Variants in SCHIP1 observed in about 807,000 individuals in gnomAD.
SCHIP1 encodes the protein schwannomin interacting protein 1, also known as schwannomin-interacting protein 1.
Under a neutral mutation model 29.7 loss-of-function variants are expected in SCHIP1, and 8 were observed. That is an observed-to-expected ratio of 0.27 (90% CI 0.16 to 0.49). The LOEUF is 0.49. SCHIP1 is among the 20% of genes least tolerant of loss of function. The probability of loss-of-function intolerance (pLI) is 0.99; values close to 1 mark genes in which losing one functional copy is unlikely to be tolerated. For missense variants in SCHIP1, 193 were observed against 294.6 expected, an observed-to-expected ratio of 0.66 and a Z score of 2.52; for synonymous variants, 76 against 94.9, an observed-to-expected ratio of 0.80 and a Z score of 1.16.
At chr3:159,361,005 ATGAACAATG>A in the SCHIP1 span, among the ~76,000 whole-genome samples, 1 of 152,202 alleles carries the variant, frequency 6.6e-6, no homozygotes, top group Non-Finnish European at 1.5e-5. Context: ...ACATTTGAAC[ATGAACAATG>A]TGCCAGACAC....
chr3:159,876,659 A>C (rs897063378), intron 2 of SCHIP1, among the ~76,000 whole-genome samples: 5 of 152,222 alleles, frequency 3.3e-5, no homozygotes, highest in Admixed American at 2.0e-4. Context: ...CCTTCTTAAC[A>C]CTTAGAGTTT....
the SCHIP1 span, among the ~76,000 whole-genome samples, chr3:159,565,431 CTG>C: frequency 2.0e-5 from 3 of 152,208 alleles, no homozygotes; most frequent in Non-Finnish European, 4.4e-5. Context: ...ACACCTGACT[CTG>C]GACTTCTGCC....
At chr3:159,768,147 C>T in the SCHIP1 span, among the ~76,000 whole-genome samples, 6 of 152,150 alleles carry the variant, frequency 3.9e-5, no homozygotes, top group Middle Eastern at 0.01. Context: ...TAGTTCCCCG[C>T]CCCCTTTTTT....
the SCHIP1 span, among the ~76,000 whole-genome samples, chr3:159,431,704 G>C: frequency 6.6e-5 from 10 of 151,754 alleles, no homozygotes. Context: ...AGCTACTCGG[G>C]AGGCTGAGAC....
At chr3:159,688,467 C>CT in the SCHIP1 span, among the ~76,000 whole-genome samples, 1 of 151,324 alleles carries the variant, frequency 6.6e-6, no homozygotes, top group African/African-American at 2.4e-5. Flanking sequence ...TGGTAAATTT[C>CT]TTTAAGTTCC....
At chr3:159,574,431 C>T in the SCHIP1 span, among the ~76,000 whole-genome samples, 2 of 152,180 alleles carry the variant, frequency 1.3e-5, no homozygotes, top group African/African-American at 2.4e-5. Context: ...TAGGTGTCAC[C>T]AGCAGAGGCT....
At chr3:159,658,366 A>C in the SCHIP1 span, among the ~76,000 whole-genome samples, 1 of 152,184 alleles carries the variant, frequency 6.6e-6, no homozygotes, top group Admixed American at 6.5e-5. Flanking sequence ...TATTTAAAAT[A>C]ATGGTTGGAA....
At chr3:159,622,047 G>A in the SCHIP1 span, among the ~76,000 whole-genome samples, 1 of 152,320 alleles carries the variant, frequency 6.6e-6, no homozygotes, top group East Asian at 1.9e-4. Context: ...CTTCAACACA[G>A]CGGCATCCCT....
the SCHIP1 span, among the ~76,000 whole-genome samples, chr3:159,509,238 C>T: frequency 6.6e-6 from 1 of 152,100 alleles, no homozygotes; most frequent in African/African-American, 2.4e-5. Context: ...TTCTTTGTCT[C>T]TTTTGATCTT....
chr3:159,326,967 C>G, the SCHIP1 span, among the ~76,000 whole-genome samples: 1 of 149,734 alleles, frequency 6.7e-6, no homozygotes, highest in Non-Finnish European at 1.5e-5. Context: ...AAATAAGAAA[C>G]TTTTAAAAAC....
At chr3:159,375,440 A>G in the SCHIP1 span, among the ~76,000 whole-genome samples, 1 of 152,234 alleles carries the variant, frequency 6.6e-6, no homozygotes, top group Non-Finnish European at 1.5e-5. Context: ...TTGGAAAACT[A>G]TTAATAGTTT....
chr3:159,512,157 A>G, the SCHIP1 span, among the ~76,000 whole-genome samples: 7 of 152,168 alleles, frequency 4.6e-5, no homozygotes, highest in Non-Finnish European at 1.0e-4. Flanking sequence ...ACAGAGAGGG[A>G]AAGAAGGAAA....
intron 2 of SCHIP1, among the ~76,000 whole-genome samples, chr3:159,884,387 GTGTT>G (rs1202113383): frequency 2.6e-5 from 4 of 151,056 alleles, no homozygotes; most frequent in Non-Finnish European, 4.4e-5. Context: ...GTGTGTGTGT[GTGTT>G]TATGTATGTA....
the SCHIP1 span, among the ~76,000 whole-genome samples, chr3:159,284,772 C>G: frequency 1.3e-5 from 2 of 152,202 alleles, no homozygotes; most frequent in Admixed American, 6.5e-5. Context: ...GTTGGGATTA[C>G]AGGCTTGAGC....
chr3:159,741,030 C>CT, the SCHIP1 span, among the ~76,000 whole-genome samples: 2 of 152,136 alleles, frequency 1.3e-5, no homozygotes, highest in South Asian at 4.1e-4. Context: ...ACTGTATTTC[C>CT]TTTTTTCTTT....
the SCHIP1 span, among the ~76,000 whole-genome samples, chr3:159,814,046 G>C: frequency 6.6e-6 from 1 of 152,306 alleles, no homozygotes; most frequent in Non-Finnish European, 1.5e-5. Flanking sequence ...CAGGAGGGAA[G>C]GACTTCCTTC....
the SCHIP1 span, among the ~76,000 whole-genome samples, chr3:159,772,124 G>A: frequency 4.6e-5 from 7 of 152,254 alleles, no homozygotes; most frequent in East Asian, 1.4e-3. Context: ...ATCAATTTCT[G>A]ATTTTGGTTC....
the SCHIP1 span, among the ~76,000 whole-genome samples, chr3:159,501,295 C>A: frequency 6.6e-6 from 1 of 152,194 alleles, no homozygotes; most frequent in African/African-American, 2.4e-5. Context: ...GGATGGTAAA[C>A]AGTTGCCTAA....
chr3:159,509,338 C>T, the SCHIP1 span, among the ~76,000 whole-genome samples: 1 of 152,120 alleles, frequency 6.6e-6, no homozygotes, highest in Admixed American at 6.5e-5. Context: ...TTCCTCCATC[C>T]TTTATTTTGA....
Sources: allele counts gnomAD v4.1 joint callset (sites outside exome capture counted in the v4.1 genomes callset), GRCh38; gene constraint gnomAD v4.1.1; transcripts MANE v1.5; gene names NCBI Gene and HGNC (gene_info 2026-07-23, HGNC 2026-07-21).